The following COL24A1 variants were observed in gnomAD, a reference collection of about 807,000 sequenced individuals.
The protein encoded by COL24A1 is collagen alpha-1(XXIV) chain.
A neutral mutation model predicts 253.9 loss-of-function variants in COL24A1; 224 were observed. The observed-to-expected ratio is 0.88, with a 90% CI of 0.79 to 0.99. COL24A1 has a LOEUF of 0.99. COL24A1 is among the 50% of genes least tolerant of loss of function. The pLI is 0.00. For synonymous variants in COL24A1, 685 were observed against 673.7 expected, an observed-to-expected ratio of 1.02 and a Z score of -0.26; for missense variants, 2,131 against 2,068.5, an observed-to-expected ratio of 1.03 and a Z score of -0.59.
At chr1:85,795,538 G>T (rs192202357) in intron 47 of COL24A1, among the ~76,000 whole-genome samples, 1 of 151,834 alleles carries the variant, frequency 6.6e-6, no homozygotes, top group Non-Finnish European at 1.5e-5. Context: ...CAAATATTTC[G>T]AATATCAATT....
At chr1:85,907,163 G>T in intron 28 of COL24A1, 31 bp downstream of exon 28, 1 of 1,580,320 alleles carries the variant, frequency 6.3e-7, no homozygotes, top group African/African-American at 1.3e-5. Flanking sequence ...TTTTGGGGGG[G>T]TTAATGTACT....
chr1:85,748,522 G>A (rs994096916), intron 55 of COL24A1, among the ~76,000 whole-genome samples: 1 of 151,976 alleles, frequency 6.6e-6, no homozygotes, highest in East Asian at 1.9e-4. Context: ...AAAGGACAGA[G>A]GGAGGAGCCA....
chr1:86,044,721 A>C (rs1324238127), intron 12 of COL24A1, among the ~76,000 whole-genome samples: 1 of 152,196 alleles, frequency 6.6e-6, no homozygotes, highest in Non-Finnish European at 1.5e-5. Flanking sequence ...TATGGATTAC[A>C]AAACCAGAAG....
chr1:86,091,430 A>G (rs527950162), intron 6 of COL24A1, among the ~76,000 whole-genome samples: 1 of 152,176 alleles, frequency 6.6e-6, no homozygotes, highest in African/African-American at 2.4e-5. Flanking sequence ...CTGTAAGCCA[A>G]TAAGATCAGA....
chr1:86,062,383 A>T (rs993692297), intron 8 of COL24A1, among the ~76,000 whole-genome samples: 4 of 150,438 alleles, frequency 2.7e-5, no homozygotes, highest in African/African-American at 9.9e-5. Flanking sequence ...CTCATAGTTA[A>T]CACAAATTTT....
intron 7 of COL24A1, among the ~76,000 whole-genome samples, chr1:86,086,537 T>C (rs1703077003): frequency 6.6e-6 from 1 of 152,024 alleles, no homozygotes; most frequent in African/African-American, 2.4e-5. Flanking sequence ...CCAAAGCCAA[T>C]ATATCCCACC....
chr1:85,944,672 T>C (rs1325033740), intron 24 of COL24A1, among the ~76,000 whole-genome samples: 2 of 152,022 alleles, frequency 1.3e-5, no homozygotes, highest in Non-Finnish European at 2.9e-5. Context: ...TATGTATACA[T>C]GTGCCATGAT....
At chr1:85,866,703 G>T (rs1359839568) in intron 37 of COL24A1, among the ~76,000 whole-genome samples, 1 of 152,132 alleles carries the variant, frequency 6.6e-6, no homozygotes, top group Non-Finnish European at 1.5e-5. Context: ...GAACCCGGGA[G>T]GTGGAGGTTG....
intron 24 of COL24A1, among the ~76,000 whole-genome samples, chr1:85,952,344 A>C (rs549555952): frequency 7.9e-5 from 12 of 152,340 alleles, no homozygotes; most frequent in African/African-American, 2.6e-4. Flanking sequence ...AAAATGATAC[A>C]TTCCATAAAA....
At chr1:85,866,129 G>T (rs991384156) in intron 37 of COL24A1, among the ~76,000 whole-genome samples, 1 of 152,128 alleles carries the variant, frequency 6.6e-6, no homozygotes, top group African/African-American at 2.4e-5. Context: ...TGGGCATGGT[G>T]GTGGGTGCCT....
rs367971842 is a variant in COL24A1, at chr1:86,085,395, C to T, written c.1707+3779G>A. 4.2e-4 allele frequency among the ~76,000 whole-genome samples: 64 copies of T among 152,142 alleles called. No individual in the cohort carries two copies. In the East Asian group the frequency reaches 0.012, roughly 28 times the overall value. On this transcript the variant is annotated intron_variant, in intron 7 of 59. Coordinates refer to ENST00000370571, the MANE Select transcript of COL24A1 (RefSeq NM_152890.7). ...TTTTTCAATATTCAGGAAAATATTG[C>T]CATATATTATTTATAAAAATTTGTT...
At chr1:85,907,293 C>G (rs2102897934) in intron 27 of COL24A1, 46 bp from the exon 28 acceptor site, 1 of 1,455,362 alleles carries the variant, frequency 6.9e-7, no homozygotes, top group East Asian at 2.3e-5. Flanking sequence ...TACAAGAATA[C>G]TATCAGAATA....
chr1:85,948,518 C>T (rs1689561420), intron 24 of COL24A1, among the ~76,000 whole-genome samples: 1 of 113,082 alleles, frequency 8.8e-6, no homozygotes, highest in African/African-American at 3.4e-5. Flanking sequence ...AGCGAGACTC[C>T]GTCTCAAAAA....
rs536628951 is a variant in COL24A1 at position 85,797,372 on chromosome 1, A to G, written c.3952-10911T>C. Among the ~76,000 whole-genome samples, 10 of 152,324 alleles carry G rather than the reference A, an allele frequency of 6.6e-5. No individual in the cohort carries two copies. The South Asian group carries it at 1.9e-3, about 28-fold the overall frequency. On this transcript the variant is annotated intron_variant, in intron 47 of 59. Coordinates refer to ENST00000370571, the MANE Select transcript of COL24A1 (RefSeq NM_152890.7). ...CAGTGTACTGAGCATCCAAAAGTTCAGAGCAGACAAGCTCAACTCCGACTA... is the reference window on the plus strand; with the variant it reads ...CAGTGTACTGAGCATCCAAAAGTTCGGAGCAGACAAGCTCAACTCCGACTA...
chr1:85,870,458 C>G (rs888322779), intron 35 of COL24A1, among the ~76,000 whole-genome samples: 1 of 152,174 alleles, frequency 6.6e-6, no homozygotes, highest in Non-Finnish European at 1.5e-5. Context: ...TAAAGCACTC[C>G]TCAGCAAGTG....
intron 11 of COL24A1, among the ~76,000 whole-genome samples, chr1:86,047,388 G>C (rs1184436840): frequency 1.3e-5 from 2 of 152,250 alleles, no homozygotes; most frequent in South Asian, 2.1e-4. Context: ...TGGATTTCTG[G>C]TCATGTAAGA....
intron 34 of COL24A1, 67 bp from the exon 35 acceptor site, chr1:85,874,769 T>C: frequency 6.5e-7 from 1 of 1,545,640 alleles, no homozygotes; most frequent in Non-Finnish European, 8.9e-7. Context: ...ATGGAGGGCA[T>C]GCCATACGGC....
intron 5 of COL24A1, among the ~76,000 whole-genome samples, chr1:86,111,530 G>C (rs115467876): frequency 0.031 from 3,602 of 115,586 alleles, 50 homozygotes; most frequent in Middle Eastern, 0.061. Flanking sequence ...TCAAAACAGA[G>C]CGATCAGCTC....
intron 5 of COL24A1, among the ~76,000 whole-genome samples, chr1:86,092,830 CT>C (rs1703605696): frequency 6.6e-6 from 1 of 151,814 alleles, no homozygotes; most frequent in African/African-American, 2.4e-5. Flanking sequence ...CCACAAAATT[CT>C]TTTTATTCTG....
Sources: gnomAD v4.1 joint callset for allele counts (sites outside exome capture counted in the v4.1 genomes callset) on GRCh38, gnomAD v4.1.1 for gene constraint, MANE v1.5 for transcripts, NCBI Gene and HGNC (gene_info 2026-07-23, HGNC 2026-07-21) for gene names.